The following KCNJ4 variants were observed in gnomAD, a reference collection of about 807,000 sequenced individuals.
The protein encoded by KCNJ4 is potassium inwardly rectifying channel subfamily J member 4, also known as inward rectifier potassium channel 4.
Under a neutral mutation model 25.6 loss-of-function variants are expected in KCNJ4, and 3 were observed. The observed-to-expected ratio is 0.12, with a 90% CI of 0.05 to 0.30. The LOEUF (loss-of-function observed/expected upper bound fraction) is 0.30, where lower values mean the gene tolerates loss of function less well. KCNJ4 is among the 10% of genes least tolerant of loss of function. KCNJ4 has a pLI of 1.00. For missense variants in KCNJ4, 286 were observed against 666.8 expected (o/e 0.43, Z 6.29); for synonymous variants, 257 against 283.9 (o/e 0.91, Z 0.95).
rs2145929207 is a variant in KCNJ4, at chr22:38,426,623, C to T, written c.*172G>A. ...TGATCGGGGCCGAGCTCTTCCCAGG[C>T]CTGGGTGCTGGAGTCAGGAGGAAGG... On this transcript the variant is annotated 3_prime_UTR_variant, in exon 2 of 2. Transcript: ENST00000303592. 2 of 820,670 alleles carry T rather than the reference C, an allele frequency of 2.4e-6. No homozygotes were observed. Among genetic ancestry groups the T allele is most frequent in the African/African-American group, 1.7e-5 (1 of 58,206 alleles). 50.8% of individuals were successfully genotyped at this position (820,670 alleles called of 1,614,324 possible). A position where few individuals can be genotyped will look rare whatever the true frequency, so the allele number is the denominator to read the frequency against.
intron 1 of KCNJ4, among the ~76,000 whole-genome samples, chr22:38,448,092 A>G (rs141887382): frequency 5.6e-4 from 84 of 151,244 alleles, no homozygotes; most frequent in African/African-American, 1.9e-3. Flanking sequence ...AAAGAAAAGA[A>G]AAAAGTAGCC....
intron 1 of KCNJ4, among the ~76,000 whole-genome samples, chr22:38,448,853 C>T (rs957794450): frequency 6.6e-6 from 1 of 152,120 alleles, no homozygotes; most frequent in Admixed American, 6.5e-5. Context: ...CATCCCAGTC[C>T]CAGGGAGCTC....
chr22:38,444,929 G>A lies in KCNJ4; in HGVS notation c.-40+10051C>T, dbSNP rs111501563. Among the ~76,000 whole-genome samples, 283 of 152,316 alleles carry A rather than the reference G, an allele frequency of 1.9e-3. 3 individuals carry two copies. The highest frequency in any genetic ancestry group is 6.2e-3 in the African/African-American group (258 of 41,570). ...GGTGCCAGATGTGTCTCAACACAGC[G>A]CAGTGCCTTGCCTTGGAGGGCGGTC... On this transcript the variant is annotated intron_variant, in intron 1 of 1. Transcript: ENST00000303592.
At chr22:38,434,370 C>T (rs1467705242) in intron 1 of KCNJ4, among the ~76,000 whole-genome samples, 1 of 152,190 alleles carries the variant, frequency 6.6e-6, no homozygotes, top group African/African-American at 2.4e-5. Flanking sequence ...CCATGCCAGG[C>T]GCTGCCTCCT....
At chr22:38,447,956 C>G (rs1269487302) in intron 1 of KCNJ4, among the ~76,000 whole-genome samples, 5 of 148,916 alleles carry the variant, frequency 3.4e-5, no homozygotes, top group Non-Finnish European at 5.9e-5. Context: ...CCCAGCTACT[C>G]GGGAGGCTGA....
intron 1 of KCNJ4, among the ~76,000 whole-genome samples, chr22:38,453,019 C>G (rs1207343441): frequency 6.6e-6 from 1 of 151,012 alleles, no homozygotes; most frequent in Non-Finnish European, 1.5e-5. Flanking sequence ...TCACACCCCC[C>G]TTAGCACTCG....
In KCNJ4 at chr22:38,427,410, G is replaced by A; in HGVS notation, c.723C>T (p.Asp241=). 1 of 1,614,020 alleles carries A rather than the reference G, an allele frequency of 6.2e-7. No homozygotes were observed. Among genetic ancestry groups the A allele is most frequent in the Non-Finnish European group, 8.5e-7 (1 of 1,180,024 alleles). Residue 241 remains aspartate (D), a synonymous_variant, in exon 2 of 2, where the codon GAC becomes GAT. Coordinates refer to ENST00000303592, the MANE Select transcript of KCNJ4 (RefSeq NM_152868.3). ...GGCCGATGTCATAGCCCACGTTGAG[G>A]TCCCGCTGGTCCAGGGGCAGGTACT... The part of the protein sequence containing the change: ...EGEYLPLDQR[D]LNVGYDIGLD...
At position 38,443,187 on chromosome 22, in the gene KCNJ4, C is replaced by T. The variant is rs1280192516; in HGVS notation, c.-40+11793G>A. Among the ~76,000 whole-genome samples, 1 of 152,148 alleles carries T rather than the reference C, an allele frequency of 6.6e-6. No homozygotes were observed. The highest frequency in any genetic ancestry group is 1.9e-4 in the East Asian group (1 of 5,190). Reference sequence around the variant, plus strand: ...CCCTCGTTTTCCTCCTTGAGTCCTCCAGGCCTGAGGGTCCCTCTCCAGGTC... The same window carrying T: ...CCCTCGTTTTCCTCCTTGAGTCCTCTAGGCCTGAGGGTCCCTCTCCAGGTC... On this transcript the variant is annotated intron_variant, in intron 1 of 1. Transcript: ENST00000303592. The surrounding 1 kb of genome is among the most constrained non-coding windows in gnomAD (Gnocchi z 4.1).
chr22:38,442,084 G>GGGAGGGAA (rs1569122632), intron 1 of KCNJ4, among the ~76,000 whole-genome samples: 1 of 152,114 alleles, frequency 6.6e-6, no homozygotes, highest in African/African-American at 2.4e-5. Context: ...GGCTGCTCCG[G>GGGAGGGAA]GGAGGGAAAG....
rs755660083 is a variant in KCNJ4, at chr22:38,427,644, G to A, written c.489C>T (p.Ile163=). 17 of 1,613,062 alleles carry A rather than the reference G, an allele frequency of 1.1e-5. No individual in the cohort carries two copies. Among genetic ancestry groups the A allele is most frequent in the South Asian group, 6.6e-5 (6 of 91,076 alleles). ...VVVQSIVGCV[I]DSFMIGTIMA... is the part of the protein sequence containing the mutation. ...TGATGGTGCCAATCATGAAGGAGTCGATGACGCAGCCCACGATGGACTGGA... is the reference window on the plus strand; with the variant it reads ...TGATGGTGCCAATCATGAAGGAGTCAATGACGCAGCCCACGATGGACTGGA... The change falls in exon 2 of 2, where the codon ATC becomes ATT. Residue 163 remains isoleucine, a synonymous_variant. Transcript: ENST00000303592.
intron 1 of KCNJ4, among the ~76,000 whole-genome samples, chr22:38,448,017 T>C (rs2089386628): frequency 6.8e-6 from 1 of 147,498 alleles, no homozygotes. Flanking sequence ...TGAGCCGAGA[T>C]TGCACCACTG....
At chr22:38,434,058 C>T (rs2093058314) in intron 1 of KCNJ4, among the ~76,000 whole-genome samples, 1 of 152,158 alleles carries the variant, frequency 6.6e-6, no homozygotes, top group African/African-American at 2.4e-5. Flanking sequence ...GACACCATGG[C>T]CACTGCAGGG....
chr22:38,433,856 C>T (rs1458777683), intron 1 of KCNJ4, among the ~76,000 whole-genome samples: 3 of 152,206 alleles, frequency 2.0e-5, no homozygotes, highest in African/African-American at 7.2e-5. Flanking sequence ...CCAGAGGAGG[C>T]AGGAAGACCA....
chr22:38,452,202 G>A (rs911423066), intron 1 of KCNJ4, among the ~76,000 whole-genome samples: 4 of 152,132 alleles, frequency 2.6e-5, no homozygotes, highest in Admixed American at 1.3e-4. Context: ...CAGGAGAATC[G>A]CCAAGATCTT....
rs547185058 is a variant in KCNJ4, at chr22:38,437,331, G to A, written c.-39-9160C>T. Among the ~76,000 whole-genome samples the A allele has an allele frequency of 9.8e-5, 15 of 152,340 alleles. 1 individual carries two copies. Among genetic ancestry groups the A allele is most frequent in the South Asian group, 2.1e-4 (1 of 4,830 alleles). On this transcript the variant is annotated intron_variant, in intron 1 of 1. Transcript: ENST00000303592. ...GTGTGCCCTTTGCTGAATTGCTGAC[G>A]CCAGTCCTCTGCCCTCCCTCGAGAG...
chr22:38,439,925 C>T (rs754583166), intron 1 of KCNJ4, among the ~76,000 whole-genome samples: 7 of 148,250 alleles, frequency 4.7e-5, no homozygotes, highest in Non-Finnish European at 8.9e-5. Context: ...CCCGTCTCTA[C>T]TAAAAAGTAC....
At chr22:38,428,198 G>C in intron 1 of KCNJ4, 27 bp from the exon 2 acceptor site, 1 of 1,539,190 alleles carries the variant, frequency 6.5e-7, no homozygotes, top group Non-Finnish European at 8.7e-7. Flanking sequence ...GGACAGGTGA[G>C]ATGCTGGGGA....
chr22:38,430,242 C>A (rs1239417139), intron 1 of KCNJ4, among the ~76,000 whole-genome samples: 2 of 152,246 alleles, frequency 1.3e-5, no homozygotes, highest in African/African-American at 4.8e-5. Flanking sequence ...GTGGCTCACG[C>A]CTGTAATCCC....
At chr22:38,453,612 T>C (rs1466145270) in intron 1 of KCNJ4, among the ~76,000 whole-genome samples, 4 of 152,134 alleles carry the variant, frequency 2.6e-5, no homozygotes, top group Admixed American at 1.3e-4. Context: ...CCACTGCTCA[T>C]TGAGCCCAGG....
Sources: gnomAD v4.1 joint callset for allele counts (sites outside exome capture counted in the v4.1 genomes callset) on GRCh38, gnomAD v4.1.1 for gene constraint, Gnocchi (gnomAD v3.1) non-coding constraint, MANE v1.5 for transcripts, NCBI Gene and HGNC (gene_info 2026-07-23, HGNC 2026-07-21) for gene names.